The following STXBP5L variants were observed in gnomAD, a reference collection of about 807,000 sequenced individuals.
STXBP5L encodes syntaxin-binding protein 5-like.
STXBP5L carries 65 observed loss-of-function variants against 144.5 expected under a neutral mutation model. The observed-to-expected ratio is 0.45, with a 90% CI of 0.37 to 0.55. The LOEUF (loss-of-function observed/expected upper bound fraction) is 0.55. Ranked by LOEUF, STXBP5L falls within the 20% of genes least tolerant of loss-of-function variation. STXBP5L has a pLI of 0.00. For missense variants in STXBP5L, 1,298 were observed against 1,405.5 expected, an observed-to-expected ratio of 0.92 and a Z score of 1.22; for synonymous variants, 505 against 469.6, an observed-to-expected ratio of 1.08 and a Z score of -0.97.
intron 3 of STXBP5L, among the ~76,000 whole-genome samples, chr3:121,034,585 T>C (rs1408259999): frequency 6.6e-6 from 1 of 150,714 alleles, no homozygotes; most frequent in Non-Finnish European, 1.5e-5. Context: ...TCTATCTATG[T>C]ATCTATCTAG....
chr3:120,989,171 G>A (rs908159101), intron 3 of STXBP5L, among the ~76,000 whole-genome samples: 7 of 152,058 alleles, frequency 4.6e-5, no homozygotes, highest in East Asian at 1.9e-4. Context: ...TCTTCCTTTC[G>A]GTAGGTACCC....
At chr3:121,412,003 T>G (rs1340210247) in intron 23 of STXBP5L, among the ~76,000 whole-genome samples, 1 of 151,520 alleles carries the variant, frequency 6.6e-6, no homozygotes, top group East Asian at 1.9e-4. Context: ...TCAAGAACAT[T>G]TGCTAAGCAT....
At chr3:121,206,993 G>A (rs915518457) in intron 10 of STXBP5L, among the ~76,000 whole-genome samples, 2 of 151,926 alleles carry the variant, frequency 1.3e-5, no homozygotes, top group Non-Finnish European at 2.9e-5. Flanking sequence ...ATTTTATAAT[G>A]TTTTCTTGGT....
At chr3:121,366,167 A>G (rs1322733966) in intron 20 of STXBP5L, among the ~76,000 whole-genome samples, 2 of 151,952 alleles carry the variant, frequency 1.3e-5, no homozygotes, top group Non-Finnish European at 2.9e-5. Flanking sequence ...CAAGACTTCA[A>G]TTATGGTCTT....
At chr3:121,195,272 C>T (rs2047874802) in intron 9 of STXBP5L, among the ~76,000 whole-genome samples, 1 of 152,028 alleles carries the variant, frequency 6.6e-6, no homozygotes, top group African/African-American at 2.4e-5. Flanking sequence ...TCTTGGTCAA[C>T]CTAGCTAAAG....
At chr3:121,158,277 T>C (rs938159914) in intron 9 of STXBP5L, 1 of 152,190 alleles carries the variant, frequency 6.6e-6, no homozygotes, top group Non-Finnish European at 1.5e-5. Flanking sequence ...GGTGATGATC[T>C]GAGTTCTATG....
At chr3:121,342,826 TAGC>T (rs1322484618) in intron 20 of STXBP5L, among the ~76,000 whole-genome samples, 7 of 147,984 alleles carry the variant, frequency 4.7e-5, no homozygotes, top group African/African-American at 1.8e-4. Flanking sequence ...TGTGTCTTTA[TAGC>T]AGCATGATTT....
chr3:121,078,920 C>T (rs1326732222), intron 5 of STXBP5L, among the ~76,000 whole-genome samples: 1 of 152,254 alleles, frequency 6.6e-6, no homozygotes, highest in Non-Finnish European at 1.5e-5. Flanking sequence ...AGCCCCAGTT[C>T]CCACTTATGC....
intron 6 of STXBP5L, among the ~76,000 whole-genome samples, chr3:121,117,935 A>G (rs1187376221): frequency 1.3e-5 from 2 of 151,804 alleles, no homozygotes; most frequent in African/African-American, 4.8e-5. Context: ...ATGGGAAAAT[A>G]TATACCAGGT....
intron 7 of STXBP5L, among the ~76,000 whole-genome samples, chr3:121,127,506 TCTCTGC>T: frequency 6.6e-6 from 1 of 151,886 alleles, no homozygotes; most frequent in African/African-American, 2.4e-5. Context: ...ATAACACCAA[TCTCTGC>T]CTTCATTTTC....
In STXBP5L at chr3:121,115,192, ATAACT is replaced by A. The variant is rs2044180199; in HGVS notation, c.605+137_605+141del. 4.5e-6 allele frequency: 4 copies of A among 895,708 alleles called. No homozygotes were observed. The South Asian group carries it at 8.5e-5, about 19-fold the overall frequency. 55.5% of individuals were successfully genotyped at this position (895,708 alleles called of 1,614,324 possible). A position where few individuals can be genotyped will look rare whatever the true frequency, so the allele number is the denominator to read the frequency against. On this transcript the variant is annotated intron_variant, in intron 6 of 26. Transcript: ENST00000471454. ...GAATTTGAGTGAAAAGTTCAGTAAA[ATAACT>A]TAAAGCCATAAAAGCTTTTAAAAAT...
chr3:120,967,074 C>T lies in STXBP5L; in HGVS notation c.287+12037C>T, dbSNP rs570153288. 3.9e-5 allele frequency among the ~76,000 whole-genome samples: 6 copies of T among 152,180 alleles called. No individual in the cohort carries two copies. The South Asian group carries it at 1.2e-3, about 32-fold the overall frequency. The stretch of plus-strand genomic sequence containing the variant: ...CTCAGACTGCTGTGCTAGCAGTGAG[C>T]AAGGCTCAGTGGGTGTGGGACCCAC... On this transcript the variant is annotated intron_variant, in intron 3 of 26. Transcript: ENST00000471454.
intron 2 of STXBP5L, among the ~76,000 whole-genome samples, chr3:120,934,658 G>A (rs891850714): frequency 6.6e-6 from 1 of 151,874 alleles, no homozygotes; most frequent in African/African-American, 2.4e-5. Flanking sequence ...TTTGCTTTAC[G>A]TATTTTGATG....
chr3:121,300,793 C>T (rs1238591818), intron 19 of STXBP5L, among the ~76,000 whole-genome samples: 1 of 151,602 alleles, frequency 6.6e-6, no homozygotes, highest in Non-Finnish European at 1.5e-5. Context: ...TAAACTTAAC[C>T]CCATCAAAGA....
chr3:120,974,975 G>A (rs940889256), intron 3 of STXBP5L, among the ~76,000 whole-genome samples: 6 of 152,228 alleles, frequency 3.9e-5, no homozygotes, highest in East Asian at 1.9e-4. Context: ...GTCGGGTAGC[G>A]TGATGCCTCC....
intron 20 of STXBP5L, among the ~76,000 whole-genome samples, chr3:121,370,646 A>T (rs141627980): frequency 6.6e-6 from 1 of 152,344 alleles, no homozygotes; most frequent in East Asian, 1.9e-4. Context: ...AATGCCAATG[A>T]GTCATAGATT....
intron 3 of STXBP5L, among the ~76,000 whole-genome samples, chr3:121,011,671 A>T (rs976500593): frequency 6.6e-6 from 1 of 151,874 alleles, no homozygotes; most frequent in African/African-American, 2.4e-5. Context: ...TTTAAAAAAA[A>T]AAAGTTATTA....
intron 3 of STXBP5L, among the ~76,000 whole-genome samples, chr3:121,008,106 G>A (rs1457076643): frequency 6.6e-6 from 1 of 151,768 alleles, no homozygotes; most frequent in African/African-American, 2.4e-5. Context: ...GTTTATGTAG[G>A]CCTTTTCTGG....
intron 20 of STXBP5L, among the ~76,000 whole-genome samples, chr3:121,354,549 G>T (rs2045430442): frequency 2.3e-5 from 2 of 87,530 alleles, no homozygotes; most frequent in Admixed American, 2.8e-4. Flanking sequence ...GTGCTTTGTA[G>T]ATCTTCCTCT....
Sources: allele counts gnomAD v4.1 joint callset (sites outside exome capture counted in the v4.1 genomes callset), GRCh38; gene constraint gnomAD v4.1.1; transcripts MANE v1.5; gene names NCBI Gene and HGNC (gene_info 2026-07-23, HGNC 2026-07-21).